ADGRL3: variants seen among roughly 807,000 people sequenced by gnomAD.
The protein encoded by ADGRL3 is calcium-independent alpha-latrotoxin receptor 3.
A neutral mutation model predicts 153.5 loss-of-function variants in ADGRL3; 62 were observed. The observed-to-expected ratio is 0.40, with a 90% CI of 0.33 to 0.50. The LOEUF (loss-of-function observed/expected upper bound fraction) is 0.50. ADGRL3 is among the 20% of genes least tolerant of loss of function. ADGRL3 has a pLI of 0.47. For synonymous variants in ADGRL3, 710 were observed against 672.5 expected (o/e 1.06, Z -0.86); for missense variants, 1,641 against 1,859.4 (o/e 0.88, Z 2.16).
At chr4:61,400,730 T>TTC in intron 2 of ADGRL3, among the ~76,000 whole-genome samples, 1 of 151,006 alleles carries the variant, frequency 6.6e-6, no homozygotes, top group Non-Finnish European at 1.5e-5. Flanking sequence ...CTGAGTCCTG[T>TTC]GTGAAGGCAT....
At chr4:61,907,261 T>G (rs564209850) in intron 11 of ADGRL3, among the ~76,000 whole-genome samples, 3 of 152,096 alleles carry the variant, frequency 2.0e-5, no homozygotes, top group African/African-American at 7.2e-5. Context: ...TATTTATTTA[T>G]TTAGTTAGTT....
intron 11 of ADGRL3, among the ~76,000 whole-genome samples, chr4:61,896,229 A>G (rs1167031180): frequency 1.3e-5 from 2 of 152,068 alleles, no homozygotes; most frequent in Non-Finnish European, 2.9e-5. Flanking sequence ...AATGTTCTGT[A>G]ACCTAATCAT....
At chr4:61,229,849 G>A (rs1458911059) in intron 1 of ADGRL3, among the ~76,000 whole-genome samples, 8 of 151,574 alleles carry the variant, frequency 5.3e-5, no homozygotes, top group African/African-American at 1.9e-4. Context: ...TGAAGCTGCA[G>A]TGAGCCGAGA....
At chr4:61,815,224 A>G (rs2097674880) in intron 9 of ADGRL3, among the ~76,000 whole-genome samples, 1 of 152,184 alleles carries the variant, frequency 6.6e-6, no homozygotes, top group Non-Finnish European at 1.5e-5. Context: ...TTCTAGAGGA[A>G]AAGACTAGAG....
intron 5 of ADGRL3, among the ~76,000 whole-genome samples, chr4:61,612,586 C>T (rs1329044805): frequency 6.6e-6 from 1 of 152,140 alleles, no homozygotes; most frequent in East Asian, 1.9e-4. Flanking sequence ...GATAGAGTAA[C>T]GTGCTTTTGA....
chr4:61,351,595 T>A (rs1052889669), intron 1 of ADGRL3, among the ~76,000 whole-genome samples: 18 of 152,296 alleles, frequency 1.2e-4, no homozygotes, highest in African/African-American at 3.6e-4. Flanking sequence ...GTTAAGCCAG[T>A]GCTCACTTAT....
At chr4:61,350,226 T>C (rs1490906680) in intron 1 of ADGRL3, among the ~76,000 whole-genome samples, 1 of 152,116 alleles carries the variant, frequency 6.6e-6, no homozygotes, top group African/African-American at 2.4e-5. Flanking sequence ...TTTCAGTTAA[T>C]ATAGTACAGT....
At chr4:61,745,478 A>G (rs1279778234) in intron 8 of ADGRL3, among the ~76,000 whole-genome samples, 2 of 152,214 alleles carry the variant, frequency 1.3e-5, no homozygotes, top group Admixed American at 6.5e-5. Context: ...GGTTACCCAC[A>G]AAGGGAAGCC....
intron 4 of ADGRL3, among the ~76,000 whole-genome samples, chr4:61,548,517 C>A (rs1332378036): frequency 2.0e-5 from 3 of 152,084 alleles, no homozygotes; most frequent in African/African-American, 7.2e-5. Context: ...GTTATCCCAG[C>A]ACCATTTATT....
At chr4:61,816,632 A>G (rs1476009851) in intron 9 of ADGRL3, among the ~76,000 whole-genome samples, 2 of 152,216 alleles carry the variant, frequency 1.3e-5, no homozygotes, top group East Asian at 1.9e-4. Context: ...CGACAAAAAA[A>G]CTGACTGATA....
chr4:61,629,619 A>G (rs1363499909), intron 5 of ADGRL3, among the ~76,000 whole-genome samples: 1 of 150,600 alleles, frequency 6.6e-6, no homozygotes, highest in Non-Finnish European at 1.5e-5. Context: ...CGGGAGGCTG[A>G]GGCAGGAGAA....
chr4:61,816,983 C>T (rs1025109400), intron 9 of ADGRL3, among the ~76,000 whole-genome samples: 2 of 152,146 alleles, frequency 1.3e-5, no homozygotes, highest in East Asian at 1.9e-4. Context: ...TGAAGCCAAG[C>T]GTGGGCATTG....
At chr4:61,530,049 G>T (rs2098602740) in intron 4 of ADGRL3, among the ~76,000 whole-genome samples, 1 of 152,110 alleles carries the variant, frequency 6.6e-6, no homozygotes, top group Non-Finnish European at 1.5e-5. Context: ...GGAAATTAAT[G>T]ATTTTAGTTT....
At chr4:61,312,748 T>C (rs899310565) in intron 1 of ADGRL3, among the ~76,000 whole-genome samples, 1 of 152,192 alleles carries the variant, frequency 6.6e-6, no homozygotes, top group African/African-American at 2.4e-5. Context: ...GGTGAAGATA[T>C]GGAGCAACAG....
chr4:61,623,566 A>C (rs1309570268), intron 5 of ADGRL3, among the ~76,000 whole-genome samples: 1 of 152,160 alleles, frequency 6.6e-6, no homozygotes, highest in African/African-American at 2.4e-5. Context: ...AACACATTTC[A>C]TATTTCAAGA....
At chr4:61,772,874 C>T (rs1433120710) in intron 8 of ADGRL3, among the ~76,000 whole-genome samples, 5 of 152,114 alleles carry the variant, frequency 3.3e-5, no homozygotes, top group African/African-American at 9.7e-5. Context: ...ACCTCCTCAC[C>T]TACTAAAACC....
At chr4:61,720,594 A>T (rs912740848) in intron 6 of ADGRL3, among the ~76,000 whole-genome samples, 5 of 152,194 alleles carry the variant, frequency 3.3e-5, no homozygotes, top group Non-Finnish European at 7.3e-5. Flanking sequence ...CTCTTTAATC[A>T]GTGGAGATAT....
chr4:61,775,416 G>A, intron 8 of ADGRL3: 1 of 669,582 alleles, frequency 1.5e-6, no homozygotes, highest in South Asian at 1.4e-5. Context: ...GTGTGTGTGT[G>A]TGTGTGTGTG....
intron 8 of ADGRL3, among the ~76,000 whole-genome samples, chr4:61,780,497 A>G (rs1035964768): frequency 1.3e-4 from 20 of 152,242 alleles, no homozygotes; most frequent in Admixed American, 1.1e-3. Context: ...CACCATGGGC[A>G]ATACCTTGGA....
Sources: gnomAD v4.1 joint callset for allele counts (sites outside exome capture counted in the v4.1 genomes callset) on GRCh38, gnomAD v4.1.1 for gene constraint, MANE v1.5 for transcripts, NCBI Gene and HGNC (gene_info 2026-07-23, HGNC 2026-07-21) for gene names.